NDRG4: variants seen among roughly 807,000 people sequenced by gnomAD.
The protein encoded by NDRG4 is protein NDRG4.
In NDRG4, 38 loss-of-function variants were observed where a neutral mutation model predicts 55.8. The observed-to-expected ratio is 0.68, with a 90% CI of 0.53 to 0.89. The LOEUF is 0.89. NDRG4 is among the 40% of genes least tolerant of loss of function. NDRG4 has a pLI of 0.00. For missense variants in NDRG4, 455 were observed against 468.6 expected, an observed-to-expected ratio of 0.97 and a Z score of 0.27; for synonymous variants, 190 against 182.7, an observed-to-expected ratio of 1.04 and a Z score of -0.32.
At chr16:58,501,174 A>G in intron 1 of NDRG4, 2 of 779,994 alleles carry the variant, frequency 2.6e-6, no homozygotes, top group East Asian at 3.4e-5. Context: ...TCCGCAGACG[A>G]TAGGTCACCC....
chr16:58,495,142 G>A lies in NDRG4; in HGVS notation c.117+134G>A, dbSNP rs2036253671. 4 of 857,810 alleles carry A rather than the reference G, an allele frequency of 4.7e-6. No individual in the cohort carries two copies. The Admixed American group carries it at 6.2e-5, about 13-fold the overall frequency. 53.1% of individuals were successfully genotyped at this position (857,810 alleles called of 1,614,324 possible). On this transcript the variant is annotated intron_variant, in intron 3 of 15. Transcript: ENST00000258187. ...CTAACAGAGAGATGCTGGGGTGGGA[G>A]ATGAACTGGCCCTGCTTCTGCGAGC...
At chr16:58,507,637 C>A in intron 8 of NDRG4, 171 bp from the exon 9 acceptor site, 1 of 621,556 alleles carries the variant, frequency 1.6e-6, no homozygotes, top group Non-Finnish European at 2.8e-6. Flanking sequence ...TGAGAGCCCA[C>A]CTGGTATGTG....
rs1387575615 is a variant in NDRG4 at position 58,500,550 on chromosome 16, G to A, written c.21+281G>A. 37 of 563,192 alleles carry A rather than the reference G, an allele frequency of 6.6e-5. No homozygotes were observed. The South Asian group carries it at 7.0e-4, about 11-fold the overall frequency. The allele number at this position is 563,192 out of a possible 1,614,324, so 34.9% of individuals were successfully genotyped here. On this transcript the variant is annotated intron_variant, in intron 1 of 14. Coordinates refer to ENST00000570248, the MANE Select transcript of NDRG4 (RefSeq NM_001242835.2). ...GTGACATATCTGCAGGAAATGGAAC[G>A]TGGAAGGCACTGTCTGACTTGGCTG...
At chr16:58,505,147 A>G (rs568910239) in intron 5 of NDRG4, among the ~76,000 whole-genome samples, 52 of 152,298 alleles carry the variant, frequency 3.4e-4, no homozygotes, top group Non-Finnish European at 5.0e-4. Context: ...CAGGAGATCA[A>G]GACCATCCTG....
Position 58,492,696 on chromosome 16 carries a change from C to T in NDRG4, c.73-2268C>T, listed in dbSNP as rs150024569. On this transcript the variant is annotated intron_variant, in intron 2 of 15. Coordinates refer to the NDRG4 transcript ENST00000258187. ...TGCAGGAATTGCAGGTGTGAGTGAC[C>T]ACGCCCGGCCTTCTTTTTTGTTAGC... is the stretch of plus-strand genomic sequence containing the variant. 2.3e-3 allele frequency among the ~76,000 whole-genome samples: 345 copies of T among 152,226 alleles called. 2 individuals are homozygous for T. Among genetic ancestry groups the T allele is most frequent in the African/African-American group, 8.1e-3 (337 of 41,520 alleles).
chr16:58,492,305 G>A (rs1290372437), intron 2 of NDRG4, among the ~76,000 whole-genome samples: 4 of 151,972 alleles, frequency 2.6e-5, no homozygotes, highest in African/African-American at 7.3e-5. Flanking sequence ...AGCTGGGCCC[G>A]CACTGCCACC....
chr16:58,499,091 C>T (rs1360281568), upstream of NDRG4: 1 of 152,818 alleles, frequency 6.5e-6, no homozygotes, highest in Non-Finnish European at 1.5e-5. Flanking sequence ...CCTATTTCCT[C>T]TCCTCCTGTG....
chr16:58,500,376 C>G, intron 1 of NDRG4, 107 bp downstream of exon 1: 1 of 1,429,358 alleles, frequency 7.0e-7, no homozygotes, highest in Middle Eastern at 2.5e-4. Context: ...GGTGGCAGCC[C>G]GGCCTTCAAA....
intron 2 of NDRG4, chr16:58,494,899 G>GCCCCA (rs2151734360): frequency 7.1e-7 from 1 of 1,415,238 alleles, no homozygotes; most frequent in Non-Finnish European, 1.0e-6. Flanking sequence ...GTCTGCTAAG[G>GCCCCA]CCCCACGGGC....
chr16:58,488,734 G>T (rs2035425025), intron 2 of NDRG4, among the ~76,000 whole-genome samples: 1 of 152,158 alleles, frequency 6.6e-6, no homozygotes, highest in Non-Finnish European at 1.5e-5. Context: ...GGGATCCAGG[G>T]ATCCAACCAC....
chr16:58,504,719 G>T, intron 5 of NDRG4, 70 bp downstream of exon 5: 3 of 1,551,274 alleles, frequency 1.9e-6, no homozygotes, highest in African/African-American at 1.4e-5. Flanking sequence ...GGTGGGGACT[G>T]GGGGGAACCC....
intron 13 of NDRG4, among the ~76,000 whole-genome samples, chr16:58,510,437 G>A (rs986857997): frequency 1.3e-5 from 2 of 152,318 alleles, no homozygotes; most frequent in South Asian, 4.1e-4. Flanking sequence ...GCTTCCTTGG[G>A]CCAGAGATCC....
At chr16:58,478,547 T>C (rs995835458) in intron 1 of NDRG4, among the ~76,000 whole-genome samples, 2 of 152,186 alleles carry the variant, frequency 1.3e-5, no homozygotes, top group Non-Finnish European at 2.9e-5. Context: ...AAAATATATG[T>C]ACGTTCTGTA....
intron 1 of NDRG4, chr16:58,501,782 G>A (rs2037152760): frequency 5.8e-6 from 2 of 343,564 alleles, no homozygotes; most frequent in South Asian, 2.1e-5. Context: ...GACAGGGGCG[G>A]CCACACCAGG....
rs772873654 is a variant in NDRG4, at chr16:58,507,034, G to A, written c.620+19G>A. 1 of 1,600,470 alleles carries A rather than the reference G, an allele frequency of 6.2e-7. No homozygotes were observed. The highest frequency in any genetic ancestry group is 8.5e-7 in the Non-Finnish European group (1 of 1,170,648). On this transcript the variant is annotated intron_variant, in intron 8 of 14. Coordinates refer to ENST00000570248, the MANE Select transcript of NDRG4 (RefSeq NM_001242835.2). ...ACAACAGGTGCGGGTGGGATCAGCA[G>A]CCCTGGGACCCAGCACACCCCAGTG...
intron 1 of NDRG4, among the ~76,000 whole-genome samples, chr16:58,472,877 G>A (rs534901603): frequency 8.5e-5 from 13 of 152,118 alleles, no homozygotes; most frequent in African/African-American, 2.9e-4. Flanking sequence ...CCCAGGGCTC[G>A]GTCCACTTGG....
intron 1 of NDRG4, among the ~76,000 whole-genome samples, chr16:58,476,110 T>C (rs1236896391): frequency 6.6e-6 from 1 of 152,248 alleles, no homozygotes; most frequent in Non-Finnish European, 1.5e-5. Context: ...TCTCCCCTTT[T>C]AAGAACACTG....
chr16:58,511,274 CAGCTGTCG>C, intron 14 of NDRG4, 140 bp from the exon 15 acceptor site: 1 of 900,362 alleles, frequency 1.1e-6, no homozygotes, highest in East Asian at 2.4e-5. Context: ...CCCAGCCCGA[CAGCTGTCG>C]CCAGCCTCCT....
chr16:58,501,372 C>G (rs1029501917), intron 1 of NDRG4: 6 of 300,824 alleles, frequency 2.0e-5, no homozygotes, highest in Non-Finnish European at 1.8e-5. Context: ...GACGGACCGA[C>G]CGAGAGGAGC....
Sources: gnomAD v4.1 joint callset for allele counts (sites outside exome capture counted in the v4.1 genomes callset) on GRCh38, gnomAD v4.1.1 for gene constraint, MANE v1.5 for transcripts, NCBI Gene and HGNC (gene_info 2026-07-23, HGNC 2026-07-21) for gene names.